The following EYS variants were observed in gnomAD, a reference collection of about 807,000 sequenced individuals.
The protein encoded by EYS is protein eyes shut homolog.
A neutral mutation model predicts 282.1 loss-of-function variants in EYS; 250 were observed. That is an observed-to-expected ratio of 0.89 (90% CI 0.80 to 0.98). EYS has a LOEUF of 0.98. EYS is among the 50% of genes least tolerant of loss of function. EYS has a pLI of 0.00. For synonymous variants in EYS, 1,355 were observed against 1,282.9 expected, an observed-to-expected ratio of 1.06 and a Z score of -1.20; for missense variants, 4,016 against 3,709.0, an observed-to-expected ratio of 1.08 and a Z score of -2.15.
chr6:64,335,368 C>T (rs1480537948), intron 29 of EYS, among the ~76,000 whole-genome samples: 1 of 150,986 alleles, frequency 6.6e-6, no homozygotes, highest in East Asian at 2.0e-4. Context: ...TTATTACAGG[C>T]CCAGCGAGTT....
At chr6:65,615,847 T>C (rs892536077) in intron 2 of EYS, among the ~76,000 whole-genome samples, 3 of 150,714 alleles carry the variant, frequency 2.0e-5, no homozygotes, top group African/African-American at 4.9e-5. Context: ...GGCGAGAGAA[T>C]GGCGTGAGGC....
At chr6:65,568,124 T>G (rs550250398) in intron 2 of EYS, among the ~76,000 whole-genome samples, 23 of 152,262 alleles carry the variant, frequency 1.5e-4, no homozygotes, top group Admixed American at 8.5e-4. Context: ...TTATGATGAC[T>G]GTCTCTGAGG....
At chr6:64,850,736 G>C (rs1396481253) in intron 19 of EYS, among the ~76,000 whole-genome samples, 1 of 151,988 alleles carries the variant, frequency 6.6e-6, no homozygotes, top group Non-Finnish European at 1.5e-5. Flanking sequence ...TTAATTGTGA[G>C]AATAAAATTA....
At chr6:64,581,698 C>A (rs1217106237) in intron 26 of EYS, among the ~76,000 whole-genome samples, 1 of 152,014 alleles carries the variant, frequency 6.6e-6, no homozygotes, top group East Asian at 1.9e-4. Context: ...TGTATAATGC[C>A]CTTACGTTGT....
chr6:64,922,892 G>A (rs950980871), intron 15 of EYS, among the ~76,000 whole-genome samples: 1 of 152,146 alleles, frequency 6.6e-6, no homozygotes, highest in African/African-American at 2.4e-5. Flanking sequence ...GGTGGAGTAA[G>A]AGACCTACTT....
intron 35 of EYS, among the ~76,000 whole-genome samples, chr6:63,952,669 T>C (rs1019441394): frequency 2.6e-5 from 4 of 152,276 alleles, no homozygotes; most frequent in Admixed American, 6.5e-5. Context: ...ATTATCTGCT[T>C]CCCTGACTAT....
intron 22 of EYS, among the ~76,000 whole-genome samples, chr6:64,810,626 G>T (rs1048596374): frequency 2.0e-5 from 3 of 151,970 alleles, no homozygotes; most frequent in Non-Finnish European, 4.4e-5. Context: ...ATTTCAATTG[G>T]AAAAAATAAT....
At chr6:64,878,672 T>C (rs1766825199) in intron 19 of EYS, among the ~76,000 whole-genome samples, 1 of 148,838 alleles carries the variant, frequency 6.7e-6, no homozygotes, top group Non-Finnish European at 1.5e-5. Context: ...TGTGTTTCTT[T>C]AAGCACATGC....
chr6:65,654,169 A>G (rs932524870), intron 1 of EYS, among the ~76,000 whole-genome samples: 1 of 151,936 alleles, frequency 6.6e-6, no homozygotes, highest in African/African-American at 2.4e-5. Flanking sequence ...ATTAGTTCTC[A>G]AAACAATTTT....
chr6:65,447,530 AT>A (rs1199773312), intron 5 of EYS, among the ~76,000 whole-genome samples: 2 of 151,162 alleles, frequency 1.3e-5, no homozygotes, highest in Admixed American at 6.6e-5. Flanking sequence ...CTATGTATTT[AT>A]TTTTTTGCAT....
chr6:65,408,415 C>T (rs1225759113), intron 5 of EYS, among the ~76,000 whole-genome samples: 2 of 151,968 alleles, frequency 1.3e-5, no homozygotes, highest in East Asian at 3.9e-4. Context: ...TCTGGCAGGT[C>T]TATATGAATT....
At chr6:65,358,254 G>T (rs1764568439) in intron 8 of EYS, among the ~76,000 whole-genome samples, 1 of 151,774 alleles carries the variant, frequency 6.6e-6, no homozygotes, top group Non-Finnish European at 1.5e-5. Context: ...ATATTTAACA[G>T]AAAATTTTCT....
chr6:64,532,443 C>A (rs1037530240), intron 26 of EYS, among the ~76,000 whole-genome samples: 9 of 152,310 alleles, frequency 5.9e-5, no homozygotes, highest in African/African-American at 2.2e-4. Context: ...GGCGCGGTGG[C>A]TCACGCCTGT....
chr6:64,607,601 T>C (rs539730082), intron 24 of EYS, among the ~76,000 whole-genome samples: 2 of 152,158 alleles, frequency 1.3e-5, no homozygotes, highest in East Asian at 1.9e-4. Context: ...TCTAATACCA[T>C]AGTCTTAGGG....
chr6:64,148,449 G>T (rs548095996), intron 31 of EYS, among the ~76,000 whole-genome samples: 1 of 152,056 alleles, frequency 6.6e-6, no homozygotes, highest in Non-Finnish European at 1.5e-5. Context: ...AGAGAGAATA[G>T]GCATTTTATC....
At chr6:64,522,754 C>T (rs954735741) in intron 26 of EYS, among the ~76,000 whole-genome samples, 3 of 151,584 alleles carry the variant, frequency 2.0e-5, no homozygotes, top group Admixed American at 6.6e-5. Context: ...TATACTCGAT[C>T]GCTGAAGGTT....
chr6:64,129,736 T>A (rs1387666720), intron 31 of EYS, among the ~76,000 whole-genome samples: 1 of 152,124 alleles, frequency 6.6e-6, no homozygotes, highest in African/African-American at 2.4e-5. Flanking sequence ...ATTGCCTAGG[T>A]TTTTTTCTAG....
chr6:64,899,053 C>A (rs1477887254), intron 18 of EYS, among the ~76,000 whole-genome samples: 1 of 152,014 alleles, frequency 6.6e-6, no homozygotes, highest in Non-Finnish European at 1.5e-5. Flanking sequence ...ATCGATGAGA[C>A]AGAAAATTAA....
intron 2 of EYS, among the ~76,000 whole-genome samples, chr6:65,565,984 A>G (rs963456586): frequency 1.3e-5 from 2 of 152,050 alleles, no homozygotes; most frequent in Non-Finnish European, 2.9e-5. Flanking sequence ...GCATTCAGAG[A>G]AATACCTAAT....
Sources: allele counts gnomAD v4.1 joint callset (sites outside exome capture counted in the v4.1 genomes callset), GRCh38; gene constraint gnomAD v4.1.1; transcripts MANE v1.5; gene names NCBI Gene and HGNC (gene_info 2026-07-23, HGNC 2026-07-21).